Variants in FKBP10 observed in about 807,000 individuals in gnomAD.
FKBP10 encodes the protein peptidyl-prolyl cis-trans isomerase FKBP10.
In FKBP10, 34 loss-of-function variants were observed where a neutral mutation model predicts 53.7. That is an observed-to-expected ratio of 0.63 (90% CI 0.48 to 0.84). The LOEUF is 0.84. Ranked by LOEUF, FKBP10 falls within the 40% of genes least tolerant of loss-of-function variation. FKBP10 has a pLI of 0.00. For missense variants in FKBP10, 748 were observed against 797.8 expected (o/e 0.94, Z 0.75); for synonymous variants, 324 against 335.7 (o/e 0.97, Z 0.38).
Position 41,818,397 on chromosome 17 carries a change from C to CA in FKBP10, c.598dup (p.Thr200AsnfsTer3). ...TTTTCTGCAGCTACAGTAAGGGCGG[C>CA]ACTTATGACACCTACGTCGGCTCTG... On this transcript the variant is annotated frameshift_variant, in exon 4 of 10. Transcript: ENST00000321562. LOFTEE classifies it high-confidence loss of function. The CA allele has an allele frequency of 6.2e-7, 1 of 1,614,216 alleles. No homozygotes were observed. The highest frequency in any genetic ancestry group is 8.5e-7 in the Non-Finnish European group (1 of 1,180,046).
At chr17:41,819,794 T>A in intron 6 of FKBP10, 119 bp downstream of exon 6, 1 of 1,541,902 alleles carries the variant, frequency 6.5e-7, no homozygotes, top group Non-Finnish European at 8.8e-7. Flanking sequence ...CACAAAAACA[T>A]GCATGCAGCT....
intron 9 of FKBP10, 117 bp downstream of exon 9, chr17:41,821,934 G>A (rs1376421929): frequency 3.8e-5 from 50 of 1,299,124 alleles, no homozygotes; most frequent in Non-Finnish European, 5.0e-5. Context: ...TCCTGCCTGC[G>A]CTGAGTCCCA....
rs187450434 is a variant in FKBP10, at chr17:41,817,952, C to T, written c.392-137C>T. 47 of 848,352 alleles carry T rather than the reference C, an allele frequency of 5.5e-5. 1 individual carries two copies. Among genetic ancestry groups the T allele is most frequent in the Middle Eastern group, 6.8e-4 (2 of 2,960 alleles). 52.6% of individuals were successfully genotyped at this position (848,352 alleles called of 1,614,324 possible). A position where few individuals can be genotyped will look rare whatever the true frequency, so the allele number is the denominator to read the frequency against. ...CCCCCTATCTCTTAAAAAAAAAAAA[C>T]AAAAATAGTGGCATCTCTGTCCCTG... On this transcript the variant is annotated intron_variant, in intron 2 of 9. Coordinates refer to ENST00000321562, the MANE Select transcript of FKBP10 (RefSeq NM_021939.4).
chr17:41,820,883 G>C, intron 7 of FKBP10, 64 bp from the exon 8 acceptor site: 1 of 1,583,164 alleles, frequency 6.3e-7, no homozygotes. Flanking sequence ...CACCTCAGAG[G>C]GAGAGGGGTG....
intron 4 of FKBP10, chr17:41,818,765 A>C: frequency 1.9e-6 from 1 of 527,680 alleles, no homozygotes; most frequent in Non-Finnish European, 3.4e-6. Context: ...CAGGAGATCG[A>C]GACCACGGTG....
intron 1 of FKBP10, among the ~76,000 whole-genome samples, chr17:41,816,568 G>A (rs2047818578): frequency 6.6e-6 from 1 of 152,146 alleles, no homozygotes; most frequent in South Asian, 2.1e-4. Context: ...CATATTAGCT[G>A]TGTGACCTTG....
intron 1 of FKBP10, among the ~76,000 whole-genome samples, chr17:41,814,847 T>A (rs984947935): frequency 2.6e-5 from 4 of 152,154 alleles, no homozygotes; most frequent in African/African-American, 7.2e-5. Context: ...ATTCTCCTGC[T>A]TCAGCCTCCC....
Position 41,820,304 on chromosome 17 carries a change from A to G in FKBP10, c.1099A>G (p.Asn367Asp), listed in dbSNP as rs781804615. ...KIPGSAVLIFNVHVIDFHNPA... is the reference protein window; with the variant it reads ...KIPGSAVLIFDVHVIDFHNPA... ...CCCTGGCTCTGCCGTGCTAATCTTC[A>G]ACGTCCATGTCATTGACTTCCACAA... is the stretch of plus-strand genomic sequence containing the variant. Residue 367 changes from asparagine to aspartate, a missense_variant, in exon 7 of 10, where the codon AAC becomes GAC. By Grantham distance (23) the Asn-to-Asp change is conservative (BLOSUM62 1). Coordinates refer to ENST00000321562, the MANE Select transcript of FKBP10 (RefSeq NM_021939.4). The G allele has an allele frequency of 1.9e-6, 3 of 1,614,054 alleles. No homozygotes were observed. Among genetic ancestry groups the G allele is most frequent in the Non-Finnish European group, 2.5e-6 (3 of 1,180,054 alleles).
chr17:41,818,537 G>A lies in FKBP10; in HGVS notation c.727+10G>A, dbSNP rs782030393. The A allele has an allele frequency of 6.2e-7, 1 of 1,614,044 alleles. No homozygotes were observed. Among genetic ancestry groups the A allele is most frequent in the South Asian group, 1.1e-5 (1 of 91,060 alleles). ...GGCGAGAAAGGCTATGGTGAGGGTG[G>A]GCAAGGACACAAGGGGAAATTCCGC... On this transcript the variant is annotated intron_variant, in intron 4 of 9. Transcript: ENST00000321562.
Position 41,819,298 on chromosome 17 carries a change from G to A in FKBP10, c.816G>A (p.Thr272=), listed in dbSNP as rs1555616570. The change falls in exon 5 of 10, where the codon ACG becomes ACA. Residue 272 remains threonine (T), a synonymous_variant. Transcript: ENST00000321562. ...HNPKDAVQLE[T]LELPPGCVRR... ...CGAAGGACGCTGTCCAGCTAGAGACGCTGGAGCTCCCCCCCGGCTGTGTCC... is the reference window on the plus strand; with the variant it reads ...CGAAGGACGCTGTCCAGCTAGAGACACTGGAGCTCCCCCCCGGCTGTGTCC... The A allele has an allele frequency of 4.3e-6, 7 of 1,614,128 alleles. No homozygotes were observed. Among genetic ancestry groups the A allele is most frequent in the Middle Eastern group, 1.7e-4 (1 of 6,060 alleles).
intron 1 of FKBP10, 66 bp from the exon 2 acceptor site, chr17:41,816,992 T>C: frequency 6.2e-7 from 1 of 1,611,050 alleles, no homozygotes; most frequent in East Asian, 2.2e-5. Flanking sequence ...CCTGTGCATC[T>C]GTGCCACCAT....
At chr17:41,814,840 C>T (rs1299883703) in intron 1 of FKBP10, among the ~76,000 whole-genome samples, 3 of 152,180 alleles carry the variant, frequency 2.0e-5, no homozygotes, top group African/African-American at 7.2e-5. Flanking sequence ...TCAAGCAATT[C>T]TCCTGCTTCA....
At chr17:41,822,132 A>T in intron 9 of FKBP10, 91 bp from the exon 10 acceptor site, 2 of 1,279,806 alleles carry the variant, frequency 1.6e-6, no homozygotes, top group Non-Finnish European at 2.2e-6. Flanking sequence ...AAGAAGAAAA[A>T]GAAAGCACTC....
chr17:41,816,920 T>C, intron 1 of FKBP10, 138 bp from the exon 2 acceptor site: 2 of 1,245,854 alleles, frequency 1.6e-6, no homozygotes, highest in East Asian at 2.5e-5. Flanking sequence ...AGGTGAGAAG[T>C]GTGTGTGCGT....
intron 1 of FKBP10, among the ~76,000 whole-genome samples, chr17:41,816,855 G>C (rs2047822074): frequency 6.6e-6 from 1 of 152,200 alleles, no homozygotes; most frequent in South Asian, 2.1e-4. Context: ...TTTCACAACA[G>C]TCCGTTCTCT....
intron 2 of FKBP10, among the ~76,000 whole-genome samples, chr17:41,817,411 C>T (rs1185283516): frequency 6.6e-6 from 1 of 152,062 alleles, no homozygotes; most frequent in Admixed American, 6.6e-5. Context: ...GGGAGGATTG[C>T]TTGAACCCAG....
chr17:41,813,383 C>A, intron 1 of FKBP10, 104 bp downstream of exon 1: 1 of 1,486,228 alleles, frequency 6.7e-7, no homozygotes, highest in Non-Finnish European at 9.4e-7. Flanking sequence ...TACTCTAACC[C>A]TAGACAGCAC....
rs377522367 is a variant in FKBP10, at chr17:41,817,134, G to C, written c.322G>C (p.Gly108Arg). ...LITGMDRGLM[G>R]MCVNERRRLI... ...CACTGGCATGGACCGAGGCCTCATG[G>C]GCATGTGTGTCAACGAGCGGCGACG... The change falls in exon 2 of 10, where the codon GGC (glycine) becomes CGC (arginine). Residue 108 changes from glycine to arginine, a missense_variant. Coordinates refer to ENST00000321562, the MANE Select transcript of FKBP10 (RefSeq NM_021939.4). 3 of 1,614,108 alleles carry C rather than the reference G, an allele frequency of 1.9e-6. No individual in the cohort carries two copies. The highest frequency in any genetic ancestry group is 2.5e-6 in the Non-Finnish European group (3 of 1,180,044).
At chr17:41,816,659 CAAA>C (rs1488892724) in intron 1 of FKBP10, among the ~76,000 whole-genome samples, 2 of 152,120 alleles carry the variant, frequency 1.3e-5, no homozygotes, top group Non-Finnish European at 2.9e-5. Context: ...ACAGGGGAGA[CAAA>C]GAAGATACGG....
Sources: allele counts gnomAD v4.1 joint callset (sites outside exome capture counted in the v4.1 genomes callset), GRCh38; gene constraint gnomAD v4.1.1; transcripts MANE v1.5; gene names NCBI Gene and HGNC (gene_info 2026-07-23, HGNC 2026-07-21).